The following PCDHGB3 variants were observed in gnomAD, a reference collection of about 807,000 sequenced individuals.
The protein encoded by PCDHGB3 is protocadherin gamma subfamily B, 3.
Under a neutral mutation model 59.2 loss-of-function variants are expected in PCDHGB3, and 40 were observed. That is an observed-to-expected ratio of 0.68 (90% confidence interval 0.52 to 0.88). The LOEUF is 0.88. Among genes scored for constraint, PCDHGB3 ranks in the 40% least tolerant of loss-of-function variants. The pLI is 0.00. For missense variants in PCDHGB3, 1,309 were observed against 1,187.9 expected, an observed-to-expected ratio of 1.10 and a Z score of -1.50; for synonymous variants, 581 against 503.6, an observed-to-expected ratio of 1.15 and a Z score of -2.06.
At chr5:141,478,483 G>A in intron 1 of PCDHGB3, 13 of 1,613,548 alleles carry the variant, frequency 8.1e-6, no homozygotes, top group Non-Finnish European at 1.1e-5. Flanking sequence ...AGAACACGCT[G>A]CGGAGCTGTG....
At chr5:141,453,206 T>G (rs914064627) in intron 1 of PCDHGB3, among the ~76,000 whole-genome samples, 8 of 152,102 alleles carry the variant, frequency 5.3e-5, no homozygotes, top group African/African-American at 1.9e-4. Context: ...CTCAACCTCG[T>G]GCACTTAAGC....
At chr5:141,376,845 C>A (rs993126177) in intron 1 of PCDHGB3, 21 of 242,440 alleles carry the variant, frequency 8.7e-5, no homozygotes, top group Admixed American at 3.1e-4. Context: ...CGCCACCGCG[C>A]CCGGCTAATT....
Position 141,486,429 on chromosome 5 carries a change from C to G in PCDHGB3, c.2416-8378C>G, listed in dbSNP as rs2099629385. On this transcript the variant is annotated intron_variant, in intron 1 of 3. Transcript: ENST00000576222. The surrounding 1 kb of genome is among the most constrained non-coding windows in gnomAD (Gnocchi z 5.0). ...GGACCCTTGGATCGAGAGGCCAAAT[C>G]TAGCTATGACATCATGGTCACTGCT... 1.1e-5 allele frequency: 17 copies of G among 1,614,192 alleles called. No homozygotes were observed. Among genetic ancestry groups the G allele is most frequent in the Non-Finnish European group, 1.4e-5 (17 of 1,180,008 alleles).
chr5:141,428,115 G>A (rs753384738), intron 1 of PCDHGB3: 2 of 1,607,178 alleles, frequency 1.2e-6, no homozygotes, highest in Non-Finnish European at 8.5e-7. Flanking sequence ...GCAGGCCATC[G>A]AGCCCGGGCT....
At chr5:141,401,669 T>A (rs2094181201) in intron 1 of PCDHGB3, among the ~76,000 whole-genome samples, 1 of 152,234 alleles carries the variant, frequency 6.6e-6, no homozygotes, top group Admixed American at 6.5e-5. Context: ...TTTCTCAACA[T>A]CCTTGTAGGA....
In PCDHGB3 at chr5:141,495,260, G is replaced by A. The variant is rs368797742; in HGVS notation, c.2474+395G>A. On this transcript the variant is annotated intron_variant, in intron 2 of 3. Transcript: ENST00000576222. ...TATGACCTGGGGCTCAGGCAGAAAA[G>A]CATTTGACCGGAGGAGGCGGTCCGC... Among the ~76,000 whole-genome samples the A allele has an allele frequency of 3.3e-5, 5 of 152,208 alleles. No individual in the cohort carries two copies. The East Asian group carries it at 5.8e-4, about 18-fold the overall frequency.
chr5:141,389,314 C>T (rs2091698838), intron 1 of PCDHGB3: 2 of 1,613,880 alleles, frequency 1.2e-6, no homozygotes, highest in Non-Finnish European at 8.5e-7. Context: ...GCTTCTGATC[C>T]GGACTTGGGG....
rs746968245 is a variant in PCDHGB3, at chr5:141,489,575, A to AC, written c.2416-5227dup. 2 of 1,613,788 alleles carry AC rather than the reference A, an allele frequency of 1.2e-6. No homozygotes were observed. Among genetic ancestry groups the AC allele is most frequent in the Non-Finnish European group, 1.7e-6 (2 of 1,179,960 alleles). On this transcript the variant is annotated intron_variant, in intron 1 of 3. Coordinates refer to ENST00000576222, the MANE Select transcript of PCDHGB3 (RefSeq NM_018924.5). The surrounding 1 kb of genome is among the most constrained non-coding windows in gnomAD (Gnocchi z 4.5). ...CTGCCAGTGCAGGTGGTGACTGAACACCCCCTGGAGCTAATCCGTGTAGAG... is the reference window on the plus strand; with the variant it reads ...CTGCCAGTGCAGGTGGTGACTGAACACCCCCCTGGAGCTAATCCGTGTAGAG...
At chr5:141,402,881 G>T in intron 1 of PCDHGB3, 1 of 1,477,920 alleles carries the variant, frequency 6.8e-7, no homozygotes. Context: ...ATACTTTGCA[G>T]GGTGGAAGAA....
Position 141,468,837 on chromosome 5 carries a change from G to A in PCDHGB3, c.2416-25970G>A, listed in dbSNP as rs550455857. ...GCCAAGATCAAGCCACTGCACTCCA[G>A]CCTGGGCAACAGAGCGAGACTCCAT... On this transcript the variant is annotated intron_variant, in intron 1 of 3. Transcript: ENST00000576222. 3.3e-5 allele frequency among the ~76,000 whole-genome samples: 5 copies of A among 152,228 alleles called. No homozygotes were observed. The East Asian group carries it at 9.7e-4, about 29-fold the overall frequency.
chr5:141,464,419 A>G (rs2099083824), intron 1 of PCDHGB3, among the ~76,000 whole-genome samples: 1 of 151,768 alleles, frequency 6.6e-6, no homozygotes, highest in South Asian at 2.1e-4. Context: ...ATATATCTAT[A>G]TATATAGATA....
At chr5:141,386,155 C>A (rs763846568) in intron 1 of PCDHGB3, among the ~76,000 whole-genome samples, 73 of 152,278 alleles carry the variant, frequency 4.8e-4, no homozygotes, top group Middle Eastern at 3.4e-3. Flanking sequence ...AACTGTCTCA[C>A]GTACTCAAAC....
intron 1 of PCDHGB3, chr5:141,394,900 C>T (rs959646500): frequency 3.7e-6 from 6 of 1,613,748 alleles, no homozygotes; most frequent in Non-Finnish European, 3.4e-6. Context: ...CTCGTGGTGG[C>T]AGTGGCTGCC....
At chr5:141,508,841 C>G (rs969875150) in intron 3 of PCDHGB3, among the ~76,000 whole-genome samples, 1 of 152,140 alleles carries the variant, frequency 6.6e-6, no homozygotes, top group Admixed American at 6.5e-5. Flanking sequence ...TCCCCTACCC[C>G]TTCCATTCCC....
rs116140192 is a variant in PCDHGB3, at chr5:141,497,400, A to C, written c.2474+2535A>C. Among the ~76,000 whole-genome samples, 87 of 152,110 alleles carry C rather than the reference A, an allele frequency of 5.7e-4. 1 individual carries two copies. Among genetic ancestry groups the C allele is most frequent in the African/African-American group, 2.0e-3 (82 of 41,484 alleles). ...GGGGTGAGCACCTTACCCCTGCCTCAACTCCCATTCCATCAAATGAGAGGC... is the reference window on the plus strand; with the variant it reads ...GGGGTGAGCACCTTACCCCTGCCTCCACTCCCATTCCATCAAATGAGAGGC... On this transcript the variant is annotated intron_variant, in intron 2 of 3. Coordinates refer to ENST00000576222, the MANE Select transcript of PCDHGB3 (RefSeq NM_018924.5).
At chr5:141,422,568 C>A (rs372115955) in intron 1 of PCDHGB3, 5 of 1,613,904 alleles carry the variant, frequency 3.1e-6, no homozygotes, top group Admixed American at 3.3e-5. Context: ...CAGATGACAA[C>A]GATAACCCTC....
At position 141,491,828 on chromosome 5, in the gene PCDHGB3, G is replaced by C. The variant is rs1389234164; in HGVS notation, c.2416-2979G>C. ...CTTGGTCGCTGGCTGCGCTCCACCC[G>C]ATTCTCGGGATCATTGGACCGTTTG... On this transcript the variant is annotated intron_variant, in intron 1 of 3. Coordinates refer to ENST00000576222, the MANE Select transcript of PCDHGB3 (RefSeq NM_018924.5). The surrounding 1 kb of genome is among the most constrained non-coding windows in gnomAD (Gnocchi z 6.9). 4.1e-6 allele frequency: 6 copies of C among 1,475,668 alleles called. No homozygotes were observed. The highest frequency in any genetic ancestry group is 5.4e-6 in the Non-Finnish European group (6 of 1,113,522). 91.4% of individuals were successfully genotyped at this position (1,475,668 alleles called of 1,614,324 possible).
In PCDHGB3 at chr5:141,423,758, G is replaced by T. The variant is rs1192987646; in HGVS notation, c.2415+50949G>T. Reference sequence around the variant, plus strand: ...CTGTTATGAAAACTGTTTGGGGGGGGGGTGGGGCGGCATATATTTAGTTCA... The same window carrying T: ...CTGTTATGAAAACTGTTTGGGGGGGTGGTGGGGCGGCATATATTTAGTTCA... On this transcript the variant is annotated intron_variant, in intron 1 of 3. Transcript: ENST00000576222. 1.4e-4 allele frequency: 53 copies of T among 366,832 alleles called. 6 individuals carry two copies. The highest frequency in any genetic ancestry group is 3.4e-4 in the South Asian group (4 of 11,762). 22.7% of individuals were successfully genotyped at this position (366,832 alleles called of 1,614,324 possible).
chr5:141,450,052 G>C (rs2098667259), intron 1 of PCDHGB3, among the ~76,000 whole-genome samples: 1 of 141,832 alleles, frequency 7.1e-6, no homozygotes, highest in African/African-American at 2.7e-5. Flanking sequence ...TTTCGCCCAG[G>C]CTGGAATGCA....
Sources: gnomAD v4.1 joint callset for allele counts (sites outside exome capture counted in the v4.1 genomes callset) on GRCh38, gnomAD v4.1.1 for gene constraint, Gnocchi (gnomAD v3.1) non-coding constraint, MANE v1.5 for transcripts, NCBI Gene and HGNC (gene_info 2026-07-23, HGNC 2026-07-21) for gene names.